Variants in PIK3R3 observed in about 807,000 individuals in gnomAD.
The protein encoded by PIK3R3 is phosphatidylinositol 3-kinase regulatory subunit gamma.
A neutral mutation model predicts 62.9 loss-of-function variants in PIK3R3; 64 were observed. That is an observed-to-expected ratio of 1.02 (90% CI 0.83 to 1.25). PIK3R3 has a LOEUF of 1.25. Among genes scored for constraint, PIK3R3 ranks in the 50% most tolerant of loss-of-function variants. The pLI is 0.00. For synonymous variants in PIK3R3, 165 were observed against 189.0 expected, an observed-to-expected ratio of 0.87 and a Z score of 1.04; for missense variants, 614 against 561.6, an observed-to-expected ratio of 1.09 and a Z score of -0.94.
chr1:46,135,446 T>A (rs1352166983), upstream of PIK3R3, among the ~76,000 whole-genome samples: 2 of 152,232 alleles, frequency 1.3e-5, no homozygotes, highest in African/African-American at 2.4e-5. Context: ...GTGAAACACT[T>A]AGAATGAAAA....
At chr1:46,117,676 G>C (rs556988799) in intron 1 of PIK3R3, among the ~76,000 whole-genome samples, 5 of 152,258 alleles carry the variant, frequency 3.3e-5, no homozygotes, top group African/African-American at 1.2e-4. Flanking sequence ...GAGCCTAGGA[G>C]GTTAAGGCTG....
intron 1 of PIK3R3, among the ~76,000 whole-genome samples, chr1:46,124,864 G>A (rs1427827801): frequency 2.6e-5 from 4 of 151,638 alleles, no homozygotes; most frequent in East Asian, 3.9e-4. Context: ...TTGGGAGGCC[G>A]AGGCGGGTGG....
At position 46,040,405 on chromosome 1, in the gene PIK3R3, G is replaced by A. The variant is rs562414043; in HGVS notation, c.*3268C>T. 1.6e-4 allele frequency: 36 copies of A among 230,950 alleles called. No homozygotes were observed. The highest frequency in any genetic ancestry group is 7.1e-4 in the African/African-American group (32 of 45,316). 14.3% of individuals were successfully genotyped at this position (230,950 alleles called of 1,614,324 possible). On this transcript the variant is annotated 3_prime_UTR_variant, in exon 10 of 10. Coordinates refer to ENST00000262741, the MANE Select transcript of PIK3R3 (RefSeq NM_003629.4). ...TCAGATATTTTTACGTAAACTACAC[G>A]AATTTTCTTGGACACATCAAAGACA...
the PIK3R3 span, among the ~76,000 whole-genome samples, chr1:46,145,370 T>TC: frequency 1.5e-4 from 7 of 46,762 alleles, no homozygotes. Context: ...GGATAACTTT[T>TC]TAAAAAAAAA....
At chr1:46,158,841 A>G in the PIK3R3 span, among the ~76,000 whole-genome samples, 8 of 152,182 alleles carry the variant, frequency 5.3e-5, no homozygotes, top group Non-Finnish European at 1.0e-4. Flanking sequence ...TAATCCCAGC[A>G]CTTTGGGAGG....
At chr1:46,140,050 G>C in the PIK3R3 span, among the ~76,000 whole-genome samples, 1 of 152,300 alleles carries the variant, frequency 6.6e-6, no homozygotes, top group East Asian at 1.9e-4. Flanking sequence ...ATGCACTGGT[G>C]TGATCATGGC....
At chr1:46,082,675 T>A (rs1650709003) in intron 1 of PIK3R3, among the ~76,000 whole-genome samples, 1 of 152,222 alleles carries the variant, frequency 6.6e-6, no homozygotes, top group African/African-American at 2.4e-5. Flanking sequence ...TACTTGTAAC[T>A]TTTTTGAGAT....
At chr1:46,110,338 T>A (rs1037734510) in intron 1 of PIK3R3, among the ~76,000 whole-genome samples, 1 of 147,884 alleles carries the variant, frequency 6.8e-6, no homozygotes, top group African/African-American at 2.5e-5. Context: ...GCCAGGCTGG[T>A]CTCGAACTCC....
chr1:46,118,927 T>C (rs370267456), intron 1 of PIK3R3, among the ~76,000 whole-genome samples: 1 of 151,940 alleles, frequency 6.6e-6, no homozygotes, highest in African/African-American at 2.4e-5. Context: ...TCCCTGAATA[T>C]ATCACAGAGA....
the PIK3R3 span, among the ~76,000 whole-genome samples, chr1:46,159,463 T>C: frequency 7.2e-5 from 11 of 152,316 alleles, no homozygotes; most frequent in South Asian, 2.3e-3. Flanking sequence ...AATTATATTA[T>C]AATAAGACTG....
intron 2 of PIK3R3, among the ~76,000 whole-genome samples, chr1:46,080,400 A>C (rs1650469463): frequency 6.6e-6 from 1 of 151,054 alleles, no homozygotes; most frequent in Non-Finnish European, 1.5e-5. Flanking sequence ...GTAGAGCATT[A>C]CAATGCTCTT....
intron 1 of PIK3R3, chr1:46,104,925 C>CAAAAAAAAAAAAAAAA (rs757829828): frequency 1.5e-5 from 3 of 195,784 alleles, no homozygotes; most frequent in Non-Finnish European, 2.8e-5. Context: ...AAGACTCCAT[C>CAAAAAAAAAAAAAAAA]AAAAAAAAAA....
chr1:46,048,594 T>C (rs1647178024), intron 7 of PIK3R3, among the ~76,000 whole-genome samples: 1 of 152,186 alleles, frequency 6.6e-6, no homozygotes, highest in Non-Finnish European at 1.5e-5. Context: ...GGTAAAAAAG[T>C]GTGAGTTGAA....
At chr1:46,085,789 C>T (rs1474740592) in intron 1 of PIK3R3, among the ~76,000 whole-genome samples, 2 of 152,180 alleles carry the variant, frequency 1.3e-5, no homozygotes, top group Non-Finnish European at 2.9e-5. Flanking sequence ...GTTAGGTGCA[C>T]CTAAGCAAAT....
chr1:46,061,469 CA>C (rs1325537626), intron 6 of PIK3R3, among the ~76,000 whole-genome samples: 3 of 152,102 alleles, frequency 2.0e-5, no homozygotes, highest in Non-Finnish European at 4.4e-5. Flanking sequence ...AGTTGATATT[CA>C]ATTCAAAAAA....
At chr1:46,126,354 A>G (rs928269174) in intron 1 of PIK3R3, among the ~76,000 whole-genome samples, 3 of 151,530 alleles carry the variant, frequency 2.0e-5, no homozygotes, top group Admixed American at 1.3e-4. Flanking sequence ...CCTGGCCAAC[A>G]TGATAAAACC....
chr1:46,043,579 A>G lies in PIK3R3; in HGVS notation c.*94T>C. 9.0e-7 allele frequency: 1 copy of G among 1,113,046 alleles called. No homozygotes were observed. Among genetic ancestry groups the G allele is most frequent in the Non-Finnish European group, 1.3e-6 (1 of 753,094 alleles). 68.9% of individuals were successfully genotyped at this position (1,113,046 alleles called of 1,614,324 possible). On this transcript the variant is annotated 3_prime_UTR_variant, in exon 10 of 10. Coordinates refer to ENST00000262741, the MANE Select transcript of PIK3R3 (RefSeq NM_003629.4). ...TTCACAAAATCACTTCTTGTGCAAAACAAGCAGTCTATGTAGAAAGAATGC... is the reference window on the plus strand; with the variant it reads ...TTCACAAAATCACTTCTTGTGCAAAGCAAGCAGTCTATGTAGAAAGAATGC...
At chr1:46,104,234 T>C (rs1431293747) in intron 1 of PIK3R3, among the ~76,000 whole-genome samples, 1 of 152,058 alleles carries the variant, frequency 6.6e-6, no homozygotes, top group East Asian at 1.9e-4. Context: ...GGACATGAAG[T>C]TTTTTAAAAC....
intron 6 of PIK3R3, among the ~76,000 whole-genome samples, chr1:46,058,774 T>C (rs533562389): frequency 6.6e-6 from 1 of 152,350 alleles, no homozygotes; most frequent in South Asian, 2.1e-4. Context: ...TACAGGCTTA[T>C]AGGCAGAAGA....
Sources: allele counts gnomAD v4.1 joint callset (sites outside exome capture counted in the v4.1 genomes callset), GRCh38; gene constraint gnomAD v4.1.1; transcripts MANE v1.5; gene names NCBI Gene and HGNC (gene_info 2026-07-23, HGNC 2026-07-21).